KLHL2: variants seen among roughly 807,000 people sequenced by gnomAD.
The protein encoded by KLHL2 is kelch like family member 2.
In KLHL2, 15 loss-of-function variants were observed where a neutral mutation model predicts 75.8. That is an observed-to-expected ratio of 0.20 (90% CI 0.13 to 0.30). The LOEUF (loss-of-function observed/expected upper bound fraction) is 0.30. Among genes scored for constraint, KLHL2 ranks in the 10% least tolerant of loss-of-function variants. The pLI is 1.00. For missense variants in KLHL2, 381 were observed against 741.0 expected, an observed-to-expected ratio of 0.51 and a Z score of 5.64; for synonymous variants, 214 against 251.9, an observed-to-expected ratio of 0.85 and a Z score of 1.42.
chr4:165,245,381 T>G (rs1740179784), intron 4 of KLHL2, among the ~76,000 whole-genome samples: 2 of 152,158 alleles, frequency 1.3e-5, no homozygotes, highest in African/African-American at 4.8e-5. Flanking sequence ...AGTGCCTTTA[T>G]CCAGGAAGAG....
chr4:165,260,985 C>G (rs773076189), intron 4 of KLHL2, among the ~76,000 whole-genome samples: 1 of 152,202 alleles, frequency 6.6e-6, no homozygotes, highest in African/African-American at 2.4e-5. Context: ...CCTCATCGTT[C>G]TGTGTGACCA....
At chr4:165,286,816 A>G (rs1053099797) in intron 5 of KLHL2, among the ~76,000 whole-genome samples, 1 of 152,216 alleles carries the variant, frequency 6.6e-6, no homozygotes, top group Non-Finnish European at 1.5e-5. Flanking sequence ...CTTTTTTAGC[A>G]GAGCAGGTAT....
intron 3 of KLHL2, among the ~76,000 whole-genome samples, chr4:165,233,323 C>T (rs1739066608): frequency 6.6e-6 from 1 of 152,196 alleles, no homozygotes; most frequent in South Asian, 2.1e-4. Context: ...TAGATTACTT[C>T]TTGGTTACAA....
intron 3 of KLHL2, among the ~76,000 whole-genome samples, chr4:165,236,652 C>A (rs927288102): frequency 6.6e-6 from 1 of 152,182 alleles, no homozygotes; most frequent in African/African-American, 2.4e-5. Context: ...ATATAAATAA[C>A]TTTTACAATA....
intron 2 of KLHL2, among the ~76,000 whole-genome samples, chr4:165,223,772 C>G (rs1738197231): frequency 6.6e-6 from 1 of 151,934 alleles, no homozygotes; most frequent in Non-Finnish European, 1.5e-5. Flanking sequence ...TCTAAATTTC[C>G]CAAGTGTGGA....
At chr4:165,234,613 ATTTT>A (rs1186473633) in intron 3 of KLHL2, among the ~76,000 whole-genome samples, 3 of 115,270 alleles carry the variant, frequency 2.6e-5, no homozygotes, top group Non-Finnish European at 1.8e-5. Context: ...TTGAGTTGGA[ATTTT>A]TTTTTTTTTT....
At chr4:165,297,568 A>G in intron 6 of KLHL2, 41 bp from the exon 7 acceptor site, 1 of 1,176,116 alleles carries the variant, frequency 8.5e-7, no homozygotes, top group East Asian at 2.3e-5. Context: ...CTTGATACAC[A>G]ACTCATTTCT....
At chr4:165,264,207 A>G (rs1322732250) in intron 5 of KLHL2, among the ~76,000 whole-genome samples, 1 of 152,116 alleles carries the variant, frequency 6.6e-6, no homozygotes, top group Non-Finnish European at 1.5e-5. Context: ...CTTTCATTTA[A>G]TGATTACATC....
chr4:165,310,748 C>T lies in KLHL2; in HGVS notation c.1235C>T (p.Thr412Ile), dbSNP rs1457065300. 2 of 1,606,812 alleles carry T rather than the reference C, an allele frequency of 1.2e-6. No homozygotes were observed. Among genetic ancestry groups the T allele is most frequent in the South Asian group, 2.2e-5 (2 of 90,948 alleles). The change falls in exon 10 of 15, where the codon ACA becomes ATA. Residue 412 changes from threonine (T) to isoleucine (I), a missense_variant and splice_region_variant. Thr to Ile is a moderately conservative substitution (Grantham distance 89). This residue lies in a region of KLHL2 where 168 missense variants were observed against 370.4 expected (regional missense o/e 0.45). Coordinates refer to ENST00000226725, the MANE Select transcript of KLHL2 (RefSeq NM_007246.4). ...LYAVGGFDGS[T>I]GLSSVEAYNI... ...GCTGTGGGAGGCTTTGATGGGAGTACAGGTAATTTCCTTTTCATTTATTCT... is the reference window on the plus strand; with the variant it reads ...GCTGTGGGAGGCTTTGATGGGAGTATAGGTAATTTCCTTTTCATTTATTCT...
chr4:165,264,729 T>TATATATATATATATATATATAC (rs1742065591), intron 5 of KLHL2, among the ~76,000 whole-genome samples: 1 of 76,878 alleles, frequency 1.3e-5, no homozygotes, highest in Admixed American at 1.5e-4. Flanking sequence ...TACATATATA[T>TATATATATATATATATATATAC]ATATATATAT....
At chr4:165,228,683 T>C (rs558793512) in intron 2 of KLHL2, 124 bp from the exon 3 acceptor site, 7 of 605,794 alleles carry the variant, frequency 1.2e-5, no homozygotes, top group African/African-American at 7.4e-5. Context: ...TCCCAAAGGA[T>C]GGCTGTCTTT....
chr4:165,212,994 A>G (rs1737302072), intron 1 of KLHL2, among the ~76,000 whole-genome samples: 1 of 152,196 alleles, frequency 6.6e-6, no homozygotes, highest in Admixed American at 6.5e-5. Context: ...CAATATATCC[A>G]AAACTGATGT....
At chr4:165,270,257 G>T (rs1742580538) in intron 5 of KLHL2, among the ~76,000 whole-genome samples, 1 of 152,114 alleles carries the variant, frequency 6.6e-6, no homozygotes. Context: ...TCTTGTGATG[G>T]GTTAGAACGT....
chr4:165,212,025 C>T (rs1411137499), intron 1 of KLHL2, among the ~76,000 whole-genome samples: 1 of 152,110 alleles, frequency 6.6e-6, no homozygotes, highest in African/African-American at 2.4e-5. Flanking sequence ...CAGGTTTTTT[C>T]AAGGTGATCC....
chr4:165,235,293 C>T (rs774558661), intron 3 of KLHL2, among the ~76,000 whole-genome samples: 2 of 152,204 alleles, frequency 1.3e-5, no homozygotes, highest in Non-Finnish European at 2.9e-5. Flanking sequence ...CTCCACCTCC[C>T]GGGTTCATGC....
At chr4:165,300,530 T>C (rs1440951985) in intron 8 of KLHL2, among the ~76,000 whole-genome samples, 1 of 152,234 alleles carries the variant, frequency 6.6e-6, no homozygotes, top group Non-Finnish European at 1.5e-5. Flanking sequence ...CATATTTTCC[T>C]ATGTGAATGT....
intron 1 of KLHL2, among the ~76,000 whole-genome samples, chr4:165,209,616 T>C (rs1737065191): frequency 6.6e-6 from 1 of 152,198 alleles, no homozygotes; most frequent in Admixed American, 6.5e-5. Context: ...ATAATTTTGA[T>C]GACCAGCGCC....
chr4:165,317,690 C>A, intron 13 of KLHL2, 136 bp from the exon 14 acceptor site: 1 of 675,956 alleles, frequency 1.5e-6, no homozygotes, highest in Non-Finnish European at 2.5e-6. Flanking sequence ...GAATTCTTTT[C>A]ATGCTCACTA....
intron 5 of KLHL2, among the ~76,000 whole-genome samples, chr4:165,274,904 A>C (rs1560793315): frequency 6.6e-6 from 1 of 150,608 alleles, no homozygotes; most frequent in Non-Finnish European, 1.5e-5. Context: ...TGTGGAATCC[A>C]CGCTGCTCAC....
Sources: allele counts gnomAD v4.1 joint callset (sites outside exome capture counted in the v4.1 genomes callset), GRCh38; gene constraint gnomAD v4.1.1; regional missense constraint gnomAD v4.1.1; transcripts MANE v1.5; gene names NCBI Gene and HGNC (gene_info 2026-07-23, HGNC 2026-07-21).